PRDM6: variants seen among roughly 807,000 people sequenced by gnomAD.
The protein encoded by PRDM6 is putative histone-lysine N-methyltransferase PRDM6.
Under a neutral mutation model 60.8 loss-of-function variants are expected in PRDM6, and 25 were observed. The ratio of observed to expected loss-of-function variants is 0.41; its 90% CI spans 0.30 to 0.57. PRDM6 has a LOEUF of 0.57. PRDM6 is among the 20% of genes least tolerant of loss of function. PRDM6 has a pLI of 0.27. For missense variants in PRDM6, 839 were observed against 821.3 expected, an observed-to-expected ratio of 1.02 and a Z score of -0.26; for synonymous variants, 407 against 357.4, an observed-to-expected ratio of 1.14 and a Z score of -1.57.
At chr5:123,097,503 A>G (rs1763984755) in intron 2 of PRDM6, among the ~76,000 whole-genome samples, 1 of 152,236 alleles carries the variant, frequency 6.6e-6, no homozygotes, top group Admixed American at 6.5e-5. Context: ...CTTTATCTGC[A>G]GAATGGGAAT....
chr5:123,159,491 G>T, intron 4 of PRDM6, 23 bp from the exon 5 acceptor site: 1 of 1,548,996 alleles, frequency 6.5e-7, no homozygotes, highest in South Asian at 1.2e-5. Flanking sequence ...TTACTAAGCT[G>T]GGTTTTCTTT....
intron 3 of PRDM6, among the ~76,000 whole-genome samples, chr5:123,108,077 C>T (rs374646406): frequency 6.6e-6 from 1 of 152,084 alleles, no homozygotes; most frequent in Admixed American, 6.5e-5. Flanking sequence ...ATGCTTTTCC[C>T]AGTGCCTCTG....
rs980629649 is a variant in PRDM6, at chr5:123,193,532, A to T, written c.*6331A>T. 5 of 152,172 alleles carry T rather than the reference A, an allele frequency of 3.3e-5. No homozygotes were observed. Among genetic ancestry groups the T allele is most frequent in the African/African-American group, 1.2e-4 (5 of 41,438 alleles). 9.4% of individuals were successfully genotyped at this position (152,172 alleles called of 1,614,324 possible). ...TCTAGTTTCTCCCAACCTGGAGAAA[A>T]TGTATAGCAAAAGCCAGAGGCAAAA... is the stretch of plus-strand genomic sequence containing the variant. On this transcript the variant is annotated 3_prime_UTR_variant, in exon 8 of 8. Coordinates refer to ENST00000407847, the MANE Select transcript of PRDM6 (RefSeq NM_001136239.4).
chr5:123,169,675 C>T (rs1188307528), intron 5 of PRDM6, among the ~76,000 whole-genome samples: 2 of 152,086 alleles, frequency 1.3e-5, no homozygotes, highest in Admixed American at 1.3e-4. Context: ...TACCAGGGAC[C>T]AAATCACGGA....
In PRDM6 at chr5:123,089,857, G is replaced by C. The variant is rs1763763894; in HGVS notation, c.-15-143G>C. The C allele has an allele frequency of 1.3e-5, 8 of 624,360 alleles. No individual in the cohort carries two copies. The South Asian group carries it at 1.6e-4, about 12-fold the overall frequency. The allele number at this position is 624,360 out of a possible 1,614,324, so 38.7% of individuals were successfully genotyped here. A position where few individuals can be genotyped will look rare whatever the true frequency, so the allele number is the denominator to read the frequency against. On this transcript the variant is annotated intron_variant, in intron 1 of 7. Transcript: ENST00000407847. ...TCGGAGTAAACTTTGCGCCCAAGCG[G>C]AGTTGGGAAGAGGGAGCCGCGGAAC... is the stretch of plus-strand genomic sequence containing the variant.
At position 123,187,339 on chromosome 5, in the gene PRDM6, T is replaced by G. The variant is rs778042956; in HGVS notation, c.*138T>G. The G allele has an allele frequency of 3.4e-6, 2 of 589,712 alleles. No homozygotes were observed. The highest frequency in any genetic ancestry group is 5.2e-5 in the Admixed American group (2 of 38,260). 36.5% of individuals were successfully genotyped at this position (589,712 alleles called of 1,614,324 possible). ...AAAAGCAGTAATAAAATAAGTAAGA[T>G]GTTAAGAGATATTGATCCTGGCATG... On this transcript the variant is annotated 3_prime_UTR_variant, in exon 8 of 8. Coordinates refer to ENST00000407847, the MANE Select transcript of PRDM6 (RefSeq NM_001136239.4).
chr5:123,099,738 G>C lies in PRDM6; in HGVS notation c.677G>C (p.Ser226Thr). 2 of 1,543,056 alleles carry C rather than the reference G, an allele frequency of 1.3e-6. No individual in the cohort carries two copies. The highest frequency in any genetic ancestry group is 2.4e-5 in the South Asian group (2 of 82,690). The change falls in exon 3 of 8, where the codon AGC becomes ACC. Residue 226 changes from serine (S) to threonine (T), a missense_variant. Transcript: ENST00000407847. This position sits in a 1 kb window ranked among gnomAD's most constrained non-coding sequence, Gnocchi z 4.0. ...LHSLRRLVGT[S>T]SAAAAAPPPE... ...TCGCTGCGCCGGCTTGTGGGCACCA[G>C]CAGCGCTGCGGCCGCCGCGCCCCCG... is the stretch of plus-strand genomic sequence containing the variant.
At chr5:123,151,543 G>A (rs546946607) in intron 3 of PRDM6, among the ~76,000 whole-genome samples, 2 of 152,188 alleles carry the variant, frequency 1.3e-5, no homozygotes, top group African/African-American at 2.4e-5. Flanking sequence ...TGGACTAGTC[G>A]TCTCACTTTG....
At chr5:123,158,857 A>G (rs1765566386) in intron 4 of PRDM6, among the ~76,000 whole-genome samples, 1 of 152,046 alleles carries the variant, frequency 6.6e-6, no homozygotes, top group Non-Finnish European at 1.5e-5. Flanking sequence ...TACAGTACCA[A>G]AGCTATTATA....
intron 3 of PRDM6, among the ~76,000 whole-genome samples, chr5:123,136,569 A>C (rs1041086557): frequency 5.3e-5 from 8 of 152,002 alleles, no homozygotes; most frequent in Non-Finnish European, 8.8e-5. Flanking sequence ...AGCACATTTG[A>C]CTCTATTTTG....
At position 123,193,264 on chromosome 5, in the gene PRDM6, C is replaced by G. The variant is rs1254433848; in HGVS notation, c.*6063C>G. On this transcript the variant is annotated 3_prime_UTR_variant, in exon 8 of 8. Coordinates refer to ENST00000407847, the MANE Select transcript of PRDM6 (RefSeq NM_001136239.4). Reference sequence around the variant, plus strand: ...TTTCTCCCACTTTGGTACATCACTCCCAACTGAAAACAGTCTAGATATAAA... The same window carrying G: ...TTTCTCCCACTTTGGTACATCACTCGCAACTGAAAACAGTCTAGATATAAA... 1 of 152,182 alleles carries G rather than the reference C, an allele frequency of 6.6e-6. No individual in the cohort carries two copies. The highest frequency in any genetic ancestry group is 2.4e-5 in the African/African-American group (1 of 41,438). The allele number at this position is 152,182 out of a possible 1,614,324, so 9.4% of individuals were successfully genotyped here.
At chr5:123,118,746 A>G (rs767394166) in intron 3 of PRDM6, among the ~76,000 whole-genome samples, 1 of 152,210 alleles carries the variant, frequency 6.6e-6, no homozygotes, top group East Asian at 1.9e-4. Flanking sequence ...GCAAACAAGT[A>G]TGGGTAGAAT....
intron 3 of PRDM6, among the ~76,000 whole-genome samples, chr5:123,107,054 G>A (rs1764211893): frequency 6.6e-6 from 1 of 152,172 alleles, no homozygotes; most frequent in Non-Finnish European, 1.5e-5. Context: ...GTCTTCAGAG[G>A]AGACCCACCT....
At chr5:123,182,787 T>C (rs1766192882) in intron 7 of PRDM6, among the ~76,000 whole-genome samples, 2 of 152,192 alleles carry the variant, frequency 1.3e-5, no homozygotes, top group Admixed American at 1.3e-4. Flanking sequence ...CTGTTCCTAC[T>C]TTTATCTAGA....
intron 6 of PRDM6, among the ~76,000 whole-genome samples, chr5:123,172,415 A>G (rs1352230027): frequency 6.6e-6 from 1 of 152,192 alleles, no homozygotes; most frequent in Non-Finnish European, 1.5e-5. Context: ...CTTTATTTTC[A>G]ATAGGCGAGC....
At chr5:123,113,754 G>C (rs748246916) in intron 3 of PRDM6, among the ~76,000 whole-genome samples, 3 of 152,162 alleles carry the variant, frequency 2.0e-5, no homozygotes, top group Non-Finnish European at 4.4e-5. Context: ...CCGGAGGTGA[G>C]CTTTCTTTTC....
chr5:123,099,277 T>G lies in PRDM6; in HGVS notation c.593-377T>G, dbSNP rs776376634. Among the ~76,000 whole-genome samples the G allele has an allele frequency of 6.6e-6, 1 of 151,090 alleles. No homozygotes were observed. The highest frequency in any genetic ancestry group is 1.5e-5 in the Non-Finnish European group (1 of 67,788). ...GAGGGTCAGAAGGAACGAGAGACAG[T>G]AGGGAAGAGAGAGAGAGAGACAGAG... On this transcript the variant is annotated intron_variant, in intron 2 of 7. Coordinates refer to ENST00000407847, the MANE Select transcript of PRDM6 (RefSeq NM_001136239.4). The surrounding 1 kb of genome is among the most constrained non-coding windows in gnomAD (Gnocchi z 4.0).
At position 123,090,668 on chromosome 5, in the gene PRDM6, G is replaced by A. The variant is rs553356738; in HGVS notation, c.592+62G>A. On this transcript the variant is annotated intron_variant, in intron 2 of 7. Coordinates refer to ENST00000407847, the MANE Select transcript of PRDM6 (RefSeq NM_001136239.4). ...GCCGGCGCCGGCGCCGGCGGGCGCGGGTGCCTGTCAGGGAGGCGGGTCGGA... is the reference window on the plus strand; with the variant it reads ...GCCGGCGCCGGCGCCGGCGGGCGCGAGTGCCTGTCAGGGAGGCGGGTCGGA... 14 of 1,282,712 alleles carry A rather than the reference G, an allele frequency of 1.1e-5. No homozygotes were observed. In the South Asian group the frequency reaches 1.1e-4, roughly 10 times the overall value. 79.5% of individuals were successfully genotyped at this position (1,282,712 alleles called of 1,614,324 possible). A position where few individuals can be genotyped will look rare whatever the true frequency, so the allele number is the denominator to read the frequency against.
rs558493292 is a variant in PRDM6 at position 123,167,341 on chromosome 5, A to G, written c.1154-3425A>G. 5.3e-5 allele frequency among the ~76,000 whole-genome samples: 8 copies of G among 151,840 alleles called. No homozygotes were observed. In the South Asian group the frequency reaches 1.5e-3, roughly 28 times the overall value. On this transcript the variant is annotated intron_variant, in intron 5 of 7. Coordinates refer to ENST00000407847, the MANE Select transcript of PRDM6 (RefSeq NM_001136239.4). ...CACCCACACATTCTTTTGTTTTAATATAAAAGGTTATGTGACCTTAACAAT... is the reference window on the plus strand; with the variant it reads ...CACCCACACATTCTTTTGTTTTAATGTAAAAGGTTATGTGACCTTAACAAT...
Sources: allele counts gnomAD v4.1 joint callset (sites outside exome capture counted in the v4.1 genomes callset), GRCh38; gene constraint gnomAD v4.1.1; non-coding constraint Gnocchi (gnomAD v3.1); transcripts MANE v1.5; gene names NCBI Gene and HGNC (gene_info 2026-07-23, HGNC 2026-07-21).